The following WHRN variants were observed in gnomAD, a reference collection of about 807,000 sequenced individuals.
WHRN encodes the protein CASK-interacting protein CIP98.
Under a neutral mutation model 68.3 loss-of-function variants are expected in WHRN, and 41 were observed. The ratio of observed to expected loss-of-function variants is 0.60; its 90% CI spans 0.47 to 0.78. The LOEUF (loss-of-function observed/expected upper bound fraction) is 0.78, where lower values mean the gene tolerates loss of function less well. WHRN is among the 30% of genes least tolerant of loss of function. WHRN has a pLI of 0.00. For missense variants in WHRN, 1,243 were observed against 1,244.7 expected, an observed-to-expected ratio of 1.00 and a Z score of 0.02; for synonymous variants, 560 against 561.3, an observed-to-expected ratio of 1.00 and a Z score of 0.03.
chr9:114,473,235 G>A (rs1841389227), intron 2 of WHRN, among the ~76,000 whole-genome samples: 1 of 152,226 alleles, frequency 6.6e-6, no homozygotes, highest in African/African-American at 2.4e-5. Flanking sequence ...GGGGTGAAAG[G>A]GGCATCTGAG....
intron 1 of WHRN, 58 bp from the exon 2 acceptor site, chr9:114,478,829 C>T (rs1841876689): frequency 1.3e-6 from 2 of 1,526,848 alleles, no homozygotes; most frequent in Non-Finnish European, 1.8e-6. Context: ...TGTGGAGGAA[C>T]ACCCTCCCCT....
intron 2 of WHRN, among the ~76,000 whole-genome samples, chr9:114,473,754 G>A (rs532243958): frequency 4.7e-4 from 72 of 152,170 alleles, no homozygotes; most frequent in Non-Finnish European, 9.6e-4. Context: ...ATAGAAGCAG[G>A]AGACGCAGGC....
At chr9:114,423,200 A>G in intron 7 of WHRN, 114 bp downstream of exon 7, 1 of 1,121,514 alleles carries the variant, frequency 8.9e-7, no homozygotes, top group Non-Finnish European at 1.4e-6. Flanking sequence ...GAGGCAAGGC[A>G]CACAGCTGGT....
intron 1 of WHRN, among the ~76,000 whole-genome samples, chr9:114,494,101 G>A (rs1255835331): frequency 6.6e-6 from 1 of 151,886 alleles, no homozygotes; most frequent in Non-Finnish European, 1.5e-5. Flanking sequence ...GTCCTCTCCC[G>A]GGGGGGTATG....
intron 1 of WHRN, among the ~76,000 whole-genome samples, chr9:114,484,306 T>C (rs1481449496): frequency 1.3e-5 from 2 of 152,214 alleles, no homozygotes; most frequent in Admixed American, 6.5e-5. Context: ...CTAGTGACTC[T>C]CCATCAACCA....
At chr9:114,501,521 T>C (rs561703635) in intron 1 of WHRN, among the ~76,000 whole-genome samples, 20 of 150,840 alleles carry the variant, frequency 1.3e-4, no homozygotes, top group African/African-American at 4.9e-4. Flanking sequence ...GTAACTTGAT[T>C]CCTAAAATTT....
At chr9:114,418,069 G>A (rs1281802492) in intron 7 of WHRN, among the ~76,000 whole-genome samples, 1 of 152,202 alleles carries the variant, frequency 6.6e-6, no homozygotes, top group Non-Finnish European at 1.5e-5. Context: ...TACTCTGCAG[G>A]AGGGCTTCCA....
At chr9:114,501,464 C>T (rs1310899064) in intron 1 of WHRN, among the ~76,000 whole-genome samples, 1 of 151,962 alleles carries the variant, frequency 6.6e-6, no homozygotes, top group Non-Finnish European at 1.5e-5. Flanking sequence ...CTTTGCTCGA[C>T]CCACTCTTTA....
rs145815879 is a variant in WHRN, at chr9:114,403,968, C to T, written c.2346G>A (p.Ser782=). 32 of 1,611,780 alleles carry T rather than the reference C, an allele frequency of 2.0e-5. No individual in the cohort carries two copies. In the Admixed American group the frequency reaches 4.2e-4, roughly 21 times the overall value. ...EASAPGRGRQ[S]VSTKSRSSKE... Reference sequence around the variant, plus strand: ...TGCTACTCCTGCTCTTGGTGGACACCGACTGCCTTCCTCGGCCTGGGGCGC... The same window carrying T: ...TGCTACTCCTGCTCTTGGTGGACACTGACTGCCTTCCTCGGCCTGGGGCGC... Residue 782 remains serine, a synonymous_variant, in exon 10 of 12, where the codon TCG becomes TCA. Transcript: ENST00000362057.
chr9:114,429,157 C>T (rs935915796), intron 3 of WHRN, among the ~76,000 whole-genome samples: 3 of 152,328 alleles, frequency 2.0e-5, no homozygotes, highest in Non-Finnish European at 4.4e-5. Flanking sequence ...TCTCAAACTC[C>T]TGAGCTCAGG....
chr9:114,480,520 G>A (rs1181440217), intron 1 of WHRN, among the ~76,000 whole-genome samples: 1 of 152,146 alleles, frequency 6.6e-6, no homozygotes, highest in Non-Finnish European at 1.5e-5. Context: ...GGGACACAAT[G>A]AGAAGATGGA....
intron 2 of WHRN, among the ~76,000 whole-genome samples, chr9:114,477,848 C>T (rs1841778458): frequency 6.6e-6 from 1 of 152,198 alleles, no homozygotes; most frequent in South Asian, 2.1e-4. Context: ...GCAATCCTGG[C>T]CACATTCCTG....
chr9:114,500,299 G>A lies in WHRN; in HGVS notation c.618+3885C>T, dbSNP rs554009887. Among the ~76,000 whole-genome samples, 17 of 152,314 alleles carry A rather than the reference G, an allele frequency of 1.1e-4. No individual in the cohort carries two copies. In the East Asian group the frequency reaches 2.7e-3, roughly 24 times the overall value. The stretch of plus-strand genomic sequence containing the variant: ...GCCACGGTTTCCAAACTGGACACAG[G>A]AACAAGACCGGGGCAGAAGCTACAT... On this transcript the variant is annotated intron_variant, in intron 1 of 11. Coordinates refer to ENST00000362057, the MANE Select transcript of WHRN (RefSeq NM_015404.4).
chr9:114,504,580 C>A lies in WHRN; in HGVS notation c.222G>T (p.Leu74=), dbSNP rs758783983. 5 of 1,611,518 alleles carry A rather than the reference C, an allele frequency of 3.1e-6. No homozygotes were observed. Among genetic ancestry groups the A allele is most frequent in the Admixed American group, 1.7e-5 (1 of 59,988 alleles). ...AYHARRNVFD[L]VRTLRVLLDS... ...CCAGCAGCACGCGCAGGGTGCGCAC[C>A]AGGTCGAAGACGTTGCGGCGCGCGT... Residue 74 remains leucine (L), a synonymous_variant, in exon 1 of 12, where the codon CTG becomes CTT. Coordinates refer to ENST00000362057, the MANE Select transcript of WHRN (RefSeq NM_015404.4).
In WHRN at chr9:114,478,734, T is replaced by C; in HGVS notation, c.656A>G (p.Tyr219Cys). ...KGSKKLVLSV[Y>C]SAGRIPGGYV... The stretch of plus-strand genomic sequence containing the variant: ...GCCCCCAGGGATGCGCCCTGCTGAG[T>C]ACACAGACAGCACCAGCTTCTTGGA... Residue 219 changes from tyrosine (Y) to cysteine (C), a missense_variant, in exon 2 of 12, where the codon TAC (tyrosine) becomes TGC (cysteine). By Grantham distance (194) the Tyr-to-Cys change is radical. Transcript: ENST00000362057. 2.5e-6 allele frequency: 4 copies of C among 1,612,566 alleles called. No individual in the cohort carries two copies. Among genetic ancestry groups the C allele is most frequent in the Non-Finnish European group, 3.4e-6 (4 of 1,179,956 alleles).
intron 2 of WHRN, among the ~76,000 whole-genome samples, chr9:114,472,850 C>A (rs777483900): frequency 2.6e-5 from 4 of 152,210 alleles, no homozygotes; most frequent in Non-Finnish European, 2.9e-5. Context: ...GATTATTAAT[C>A]CTCGAAACAG....
At chr9:114,503,229 G>T in intron 1 of WHRN, 2 of 983,792 alleles carry the variant, frequency 2.0e-6, no homozygotes, top group Non-Finnish European at 2.4e-6. Context: ...GGCGGGGAGT[G>T]GGGGTTTACA....
Position 114,406,498 on chromosome 9 carries a change from A to T in WHRN, c.2093T>A (p.Val698Glu), listed in dbSNP as rs201184915. Residue 698 changes from valine to glutamate, a missense_variant, in exon 9 of 12, where the codon GTG becomes GAG. Physicochemically the swap from Val to Glu is moderately radical, Grantham distance 121 (BLOSUM62 -2). Coordinates refer to ENST00000362057, the MANE Select transcript of WHRN (RefSeq NM_015404.4). ...HLKSPSAEAT[V>E]AGGCLLPPSP... ...TGGGGGCAGAAGGCAGCCCCCAGCC[A>T]CTGTGGCCTCTGCAGAGGGGCTTTT... 8.5e-5 allele frequency: 137 copies of T among 1,614,160 alleles called. 3 individuals carry two copies. The highest frequency in any genetic ancestry group is 8.2e-4 in the Middle Eastern group (5 of 6,062).
At chr9:114,478,862 A>C in intron 1 of WHRN, 91 bp from the exon 2 acceptor site, 7 of 1,265,974 alleles carry the variant, frequency 5.5e-6, no homozygotes, top group Middle Eastern at 1.9e-4. Flanking sequence ...GGTTTTTCTC[A>C]GGAGCCCCAC....
Sources: gnomAD v4.1 joint callset for allele counts (sites outside exome capture counted in the v4.1 genomes callset) on GRCh38, gnomAD v4.1.1 for gene constraint, MANE v1.5 for transcripts, NCBI Gene and HGNC (gene_info 2026-07-23, HGNC 2026-07-21) for gene names.